FNDC5: variants seen among roughly 807,000 people sequenced by gnomAD.
The protein encoded by FNDC5 is fibronectin type III domain-containing protein 5.
FNDC5 carries 10 observed loss-of-function variants against 24.6 expected under a neutral mutation model. The ratio of observed to expected loss-of-function variants is 0.41; its 90% CI spans 0.25 to 0.69. The LOEUF is 0.69. Ranked by LOEUF, FNDC5 falls within the 30% of genes least tolerant of loss-of-function variation. The pLI, the probability that FNDC5 is intolerant of heterozygous loss-of-function variation, is 0.34. For synonymous variants in FNDC5, 90 were observed against 110.7 expected, an observed-to-expected ratio of 0.81 and a Z score of 1.18; for missense variants, 226 against 282.9, an observed-to-expected ratio of 0.80 and a Z score of 1.44.
chr1:32,870,699 C>G lies in FNDC5; in HGVS notation c.48G>C (p.Ala16=). The G allele has an allele frequency of 5.8e-6, 7 of 1,198,900 alleles. No individual in the cohort carries two copies. Among genetic ancestry groups the G allele is most frequent in the Non-Finnish European group, 7.2e-6 (7 of 966,944 alleles). 74.3% of individuals were successfully genotyped at this position (1,198,900 alleles called of 1,614,324 possible). A position where few individuals can be genotyped will look rare whatever the true frequency, so the allele number is the denominator to read the frequency against. ...AGACGCAGCCCAGCCACAGGCGGAG[C>G]GCGGCGCGGGCGCGGGGCGGCCAGG... The change falls in exon 1 of 6, where the codon GCG becomes GCC. Residue 16 remains alanine (A), a synonymous_variant. Coordinates refer to ENST00000373471, the MANE Select transcript of FNDC5 (RefSeq NM_153756.3).
chr1:32,869,030 T>A, intron 1 of FNDC5, 33 bp from the exon 2 acceptor site: 4 of 1,179,034 alleles, frequency 3.4e-6, no homozygotes, highest in Non-Finnish European at 4.3e-6. Context: ...AGCCTGAGCA[T>A]CCCCTATTGT....
At chr1:32,870,433 C>T (rs1641158346) in intron 1 of FNDC5, among the ~76,000 whole-genome samples, 1 of 151,968 alleles carries the variant, frequency 6.6e-6, no homozygotes, top group Non-Finnish European at 1.5e-5. Context: ...CCACAAGACC[C>T]TAGGAAACCC....
In FNDC5 at chr1:32,864,103, G is replaced by A; in HGVS notation, c.*191C>T. 1.3e-6 allele frequency: 2 copies of A among 1,508,320 alleles called. No individual in the cohort carries two copies. The highest frequency in any genetic ancestry group is 1.8e-6 in the Non-Finnish European group (2 of 1,130,326). The allele number at this position is 1,508,320 out of a possible 1,614,324, so 93.4% of individuals were successfully genotyped here. ...CATTGTTGAGGTGCTTCTGGAGATG[G>A]GAGTTAATAAGAGGCTTCAGGAAAG... On this transcript the variant is annotated 3_prime_UTR_variant, in exon 6 of 6. Coordinates refer to ENST00000373471, the MANE Select transcript of FNDC5 (RefSeq NM_153756.3).
intron 1 of FNDC5, 81 bp downstream of exon 1, chr1:32,870,572 G>T: frequency 1.1e-6 from 1 of 897,002 alleles, no homozygotes; most frequent in Non-Finnish European, 1.4e-6. Flanking sequence ...AGGGGGCAGA[G>T]AAAGGACCAG....
At chr1:32,871,652 G>A (rs1042109623), upstream of FNDC5, among the ~76,000 whole-genome samples, 15 of 152,160 alleles carry the variant, frequency 9.9e-5, no homozygotes, top group African/African-American at 3.1e-4. Flanking sequence ...CTTGTCCAGG[G>A]ACCCGCAGCA....
chr1:32,871,097 C>G (rs1641177724), upstream of FNDC5: 1 of 151,492 alleles, frequency 6.6e-6, no homozygotes, highest in Non-Finnish European at 1.5e-5. Flanking sequence ...CTCCCGCCCT[C>G]TCACCGAGCG....
rs1212589720 is a variant in FNDC5 at position 32,862,744 on chromosome 1, A to T, written c.*1550T>A. ...AGGCATCTGGCAGCCGTAACTCGTC[A>T]GTCCTAGGGAAGAGTCTACCTTCCC... On this transcript the variant is annotated 3_prime_UTR_variant, in exon 6 of 6. Coordinates refer to ENST00000373471, the MANE Select transcript of FNDC5 (RefSeq NM_153756.3). 6.6e-6 allele frequency: 1 copy of T among 152,632 alleles called. No individual in the cohort carries two copies. The highest frequency in any genetic ancestry group is 1.5e-5 in the Non-Finnish European group (1 of 68,062). The allele number at this position is 152,632 out of a possible 1,614,324, so 9.5% of individuals were successfully genotyped here.
Position 32,870,827 on chromosome 1 carries a change from CCG to C in FNDC5, c.-83_-82del, listed in dbSNP as rs1301820820. ...CCCGGCGGCCGCTCGCGCTCGCGCT[CCG>C]GCCCCCGGCCCGGCCGGCCCGGCCG... On this transcript the variant is annotated 5_prime_UTR_variant, in exon 1 of 6. Transcript: ENST00000373471. 2 of 418,312 alleles carry C rather than the reference CCG, an allele frequency of 4.8e-6. No homozygotes were observed. Among genetic ancestry groups the C allele is most frequent in the African/African-American group, 4.5e-5 (2 of 44,916 alleles). The allele number at this position is 418,312 out of a possible 1,614,324, so 25.9% of individuals were successfully genotyped here.
rs140459023 is a variant in FNDC5, at chr1:32,869,012, G to A, written c.95-15C>T. The A allele has an allele frequency of 4.3e-4, 519 of 1,220,926 alleles. 1 individual carries two copies. In the African/African-American group the frequency reaches 7.1e-3, roughly 17 times the overall value. The allele number at this position is 1,220,926 out of a possible 1,614,324, so 75.6% of individuals were successfully genotyped here. On this transcript the variant is annotated splice_polypyrimidine_tract_variant and intron_variant, in intron 1 of 5. Transcript: ENST00000373471. ...TGAGGGACTGTCTGGGGGACGGGGA[G>A]GCACCTAAGCCTGAGCATCCCCTAT...
At chr1:32,866,252 C>T (rs1641068793) in intron 4 of FNDC5, among the ~76,000 whole-genome samples, 1 of 152,198 alleles carries the variant, frequency 6.6e-6, no homozygotes, top group African/African-American at 2.4e-5. Context: ...CTCTTTTGTA[C>T]AACCCTTTGT....
rs1318626971 is a variant in FNDC5 at position 32,867,766 on chromosome 1, C to G, written c.486G>C (p.Leu162=). 1.2e-6 allele frequency: 2 copies of G among 1,613,978 alleles called. No homozygotes were observed. The highest frequency in any genetic ancestry group is 2.2e-5 in the East Asian group (1 of 44,864). ...GGCCAGACTCACCTGCCCACATGAA[C>G]AGGACCACGACGATGATCAGCACCT... Residue 162 remains leucine, a synonymous_variant, in exon 4 of 6, where the codon CTG becomes CTC. Coordinates refer to ENST00000373471, the MANE Select transcript of FNDC5 (RefSeq NM_153756.3).
rs1307129179 is a variant in FNDC5 at position 32,864,249 on chromosome 1, ACTGT to A, written c.*41_*44del. 4 of 1,614,046 alleles carry A rather than the reference ACTGT, an allele frequency of 2.5e-6. No homozygotes were observed. The African/African-American group carries it at 4.0e-5, about 16-fold the overall frequency. ...ACCATGAGATCCTCTCACATTCTCT[ACTGT>A]CTGTCTTCTTAGCTGCTGAGGGCAA... On this transcript the variant is annotated 3_prime_UTR_variant, in exon 6 of 6. Coordinates refer to ENST00000373471, the MANE Select transcript of FNDC5 (RefSeq NM_153756.3).
Position 32,864,170 on chromosome 1 carries a change from TG to T in FNDC5, c.*123del. 1 of 1,599,266 alleles carries T rather than the reference TG, an allele frequency of 6.3e-7. No individual in the cohort carries two copies. Among genetic ancestry groups the T allele is most frequent in the South Asian group, 1.1e-5 (1 of 88,358 alleles). On this transcript the variant is annotated 3_prime_UTR_variant, in exon 6 of 6. Transcript: ENST00000373471. ...CAGTAAGCCAGAGGGTACAAGGAGATGGAGGGAAGAGATGTAGAGAGGGCCA... is the reference window on the plus strand; with the variant it reads ...CAGTAAGCCAGAGGGTACAAGGAGATGAGGGAAGAGATGTAGAGAGGGCCA...
rs143697125 is a variant in FNDC5, at chr1:32,864,743, T to C, written c.554A>G (p.Asn185Ser). 5.1e-5 allele frequency: 83 copies of C among 1,614,208 alleles called. No individual in the cohort carries two copies. In the African/African-American group the frequency reaches 9.6e-4, roughly 19 times the overall value. The change falls in exon 5 of 6, where the codon AAT (asparagine) becomes AGT (serine). Residue 185 changes from asparagine (N) to serine (S), a missense_variant. Asn to Ser is a conservative substitution (Grantham distance 46, BLOSUM62 1). Coordinates refer to ENST00000373471, the MANE Select transcript of FNDC5 (RefSeq NM_153756.3). The stretch of plus-strand genomic sequence containing the variant: ...ACTCTTGGTTTTTTCCTTGTTGTTA[T>C]TGGGTTCATTGTCCTTGATGATGTC...
At position 32,863,849 on chromosome 1, in the gene FNDC5, C is replaced by A. The variant is rs1641008293; in HGVS notation, c.*445G>T. On this transcript the variant is annotated 3_prime_UTR_variant, in exon 6 of 6. Transcript: ENST00000373471. The stretch of plus-strand genomic sequence containing the variant: ...CCTTCTTGCAAGGCTGGAAACAGGA[C>A]AGAAGAAGGAAGGGAGCAGCAGCAG... 5 of 1,306,838 alleles carry A rather than the reference C, an allele frequency of 3.8e-6. No homozygotes were observed. Among genetic ancestry groups the A allele is most frequent in the Non-Finnish European group, 3.0e-6 (3 of 990,744 alleles). The allele number at this position is 1,306,838 out of a possible 1,614,324, so 81.0% of individuals were successfully genotyped here.
In FNDC5 at chr1:32,868,527, G is replaced by A; in HGVS notation, c.211-139C>T. On this transcript the variant is annotated intron_variant, in intron 2 of 5. Coordinates refer to ENST00000373471, the MANE Select transcript of FNDC5 (RefSeq NM_153756.3). This position sits in a 1 kb window ranked among gnomAD's most constrained non-coding sequence, Gnocchi z 4.8. ...CCGCTATCAATATCTCCATTTTACA[G>A]GGAAGGAAACAGGTTCAGAGAGGTT... 1 of 1,046,588 alleles carries A rather than the reference G, an allele frequency of 9.6e-7. No individual in the cohort carries two copies. The highest frequency in any genetic ancestry group is 1.4e-6 in the Non-Finnish European group (1 of 733,482). 64.8% of individuals were successfully genotyped at this position (1,046,588 alleles called of 1,614,324 possible). A position where few individuals can be genotyped will look rare whatever the true frequency, so the allele number is the denominator to read the frequency against.
rs1641008400 is a variant in FNDC5, at chr1:32,863,854, G to A, written c.*440C>T. 4.6e-6 allele frequency: 6 copies of A among 1,307,308 alleles called. No individual in the cohort carries two copies. In the South Asian group the frequency reaches 6.2e-5, roughly 13 times the overall value. The allele number at this position is 1,307,308 out of a possible 1,614,324, so 81.0% of individuals were successfully genotyped here. ...TTGCAAGGCTGGAAACAGGACAGAA[G>A]AAGGAAGGGAGCAGCAGCAGGGCTG... On this transcript the variant is annotated 3_prime_UTR_variant, in exon 6 of 6. Coordinates refer to ENST00000373471, the MANE Select transcript of FNDC5 (RefSeq NM_153756.3).
In FNDC5 at chr1:32,870,798, G is replaced by A. The variant is rs1013772019; in HGVS notation, c.-52C>T. The A allele has an allele frequency of 2.1e-5, 17 of 797,510 alleles. No individual in the cohort carries two copies. Among genetic ancestry groups the A allele is most frequent in the Non-Finnish European group, 2.3e-5 (15 of 662,076 alleles). The allele number at this position is 797,510 out of a possible 1,614,324, so 49.4% of individuals were successfully genotyped here. ...GGGCGGCGCAGGGGGACGCGGCTCC[G>A]GCGCCCGGCGGCCGCTCGCGCTCGC... is the stretch of plus-strand genomic sequence containing the variant. On this transcript the variant is annotated 5_prime_UTR_variant, in exon 1 of 6. Transcript: ENST00000373471.
intron 4 of FNDC5, among the ~76,000 whole-genome samples, chr1:32,865,801 C>T (rs749203934): frequency 5.3e-5 from 8 of 152,078 alleles, no homozygotes; most frequent in Non-Finnish European, 7.4e-5. Flanking sequence ...TGTGAGGATA[C>T]CTATTATTAT....
Sources: gnomAD v4.1 joint callset for allele counts (sites outside exome capture counted in the v4.1 genomes callset) on GRCh38, gnomAD v4.1.1 for gene constraint, Gnocchi (gnomAD v3.1) non-coding constraint, MANE v1.5 for transcripts, NCBI Gene and HGNC (gene_info 2026-07-23, HGNC 2026-07-21) for gene names.